Variants in TEX101 observed in about 807,000 individuals in gnomAD.
TEX101 encodes testis expressed 101, also known as testis-expressed protein 101.
A neutral mutation model predicts 18.1 loss-of-function variants in TEX101; 10 were observed. The ratio of observed to expected loss-of-function variants is 0.55; its 90% CI spans 0.34 to 0.94. The LOEUF is 0.94. TEX101 is among the 40% of genes least tolerant of loss of function. The probability of loss-of-function intolerance (pLI) is 0.02; values close to 1 mark genes in which losing one functional copy is unlikely to be tolerated. For synonymous variants in TEX101, 94 were observed against 114.8 expected, an observed-to-expected ratio of 0.82 and a Z score of 1.16; for missense variants, 259 against 298.9, an observed-to-expected ratio of 0.87 and a Z score of 0.98.
the TEX101 span, among the ~76,000 whole-genome samples, chr19:43,392,669 G>A: frequency 8.7e-3 from 1,330 of 152,218 alleles, 8 homozygotes; most frequent in Non-Finnish European, 0.014. Context: ...GACACAGAGG[G>A]AAAGAGACCC....
chr19:43,411,027 C>A (rs1351647466), upstream of TEX101, among the ~76,000 whole-genome samples: 1 of 152,176 alleles, frequency 6.6e-6, no homozygotes, highest in Non-Finnish European at 1.5e-5. Context: ...CAGGCATGAG[C>A]CATGGCACCC....
At chr19:43,402,465 C>A (rs1414952635) in intron 1 of TEX101, among the ~76,000 whole-genome samples, 1 of 152,144 alleles carries the variant, frequency 6.6e-6, no homozygotes, top group Non-Finnish European at 1.5e-5. Context: ...TTATAAGTAT[C>A]TTTTGTGCTG....
the TEX101 span, among the ~76,000 whole-genome samples, chr19:43,393,591 G>C: frequency 0.012 from 1,864 of 152,040 alleles, 51 homozygotes; most frequent in African/African-American, 0.043. Context: ...ACTTACAGCA[G>C]TCAGCACTAA....
At chr19:43,392,014 G>A in the TEX101 span, among the ~76,000 whole-genome samples, 1 of 152,172 alleles carries the variant, frequency 6.6e-6, no homozygotes, top group Non-Finnish European at 1.5e-5. Context: ...CCTCAATACA[G>A]ATGGACAACA....
intron 2 of TEX101, 22 bp downstream of exon 2, chr19:43,416,005 G>A (rs756098354): frequency 3.0e-5 from 48 of 1,613,342 alleles, no homozygotes; most frequent in Non-Finnish European, 4.0e-5. Context: ...GGACATAGGG[G>A]AGAGCCGTGT....
intron 2 of TEX101, chr19:43,402,949 A>C (rs1202074392): frequency 6.6e-6 from 1 of 152,192 alleles, no homozygotes; most frequent in African/African-American, 2.4e-5. Flanking sequence ...AAAGCTTTTG[A>C]GAAAATCTTC....
At chr19:43,403,911 C>T (rs904436622) in intron 2 of TEX101, among the ~76,000 whole-genome samples, 2 of 151,852 alleles carry the variant, frequency 1.3e-5, no homozygotes, top group Non-Finnish European at 2.9e-5. Flanking sequence ...TGGTGGCGGG[C>T]ACCTGTAGTC....
In TEX101 at chr19:43,402,250, C is replaced by G. The variant is rs117934026; in HGVS notation, c.-376-516C>G. On this transcript the variant is annotated intron_variant, in intron 1 of 7. Transcript: ENST00000602198. The stretch of plus-strand genomic sequence containing the variant: ...ATGTTCATTTGAAGTTTTTAGACAT[C>G]TCTGTATCATAGAAGCAAACGAACA... Among the ~76,000 whole-genome samples, 184 of 152,316 alleles carry G rather than the reference C, an allele frequency of 1.2e-3. 4 individuals carry two copies. The East Asian group carries it at 0.035, about 29-fold the overall frequency.
chr19:43,411,713 C>T (rs1476603881), upstream of TEX101, among the ~76,000 whole-genome samples: 1 of 151,794 alleles, frequency 6.6e-6, no homozygotes, highest in African/African-American at 2.4e-5. Context: ...TGCAATGGTG[C>T]AGTCTCAGCT....
the TEX101 span, among the ~76,000 whole-genome samples, chr19:43,389,615 T>C: frequency 2.6e-5 from 4 of 152,162 alleles, no homozygotes; most frequent in African/African-American, 7.2e-5. Flanking sequence ...CCCTGTCCTT[T>C]AACCAGTCCC....
intron 2 of TEX101, chr19:43,406,081 C>CCAAAAAAAAAAA (rs1970358959): frequency 1.7e-5 from 1 of 58,814 alleles, no homozygotes; most frequent in Non-Finnish European, 3.4e-5. Context: ...CCTGTCTCTA[C>CCAAAAAAAAAAA]AAAAAAAAAA....
At chr19:43,402,947 T>A (rs1030265010) in intron 2 of TEX101, 2 of 152,152 alleles carry the variant, frequency 1.3e-5, no homozygotes, top group South Asian at 4.1e-4. Flanking sequence ...TGAAAGCTTT[T>A]GAGAAAATCT....
intron 2 of TEX101, among the ~76,000 whole-genome samples, chr19:43,403,447 TG>T (rs1295391142): frequency 6.6e-6 from 1 of 151,884 alleles, no homozygotes; most frequent in Non-Finnish European, 1.5e-5. Context: ...AGTTGGGGGC[TG>T]GGGGAGGGAT....
intron 2 of TEX101, among the ~76,000 whole-genome samples, chr19:43,403,775 T>C (rs1483183826): frequency 6.6e-6 from 1 of 151,968 alleles, no homozygotes; most frequent in Non-Finnish European, 1.5e-5. Flanking sequence ...AAAACCAATA[T>C]AAAAATCTGG....
rs767955623 is a variant in TEX101, at chr19:43,416,102, GC to G, written c.70del (p.Leu24Ter). The G allele has an allele frequency of 6.2e-7, 1 of 1,610,050 alleles. No individual in the cohort carries two copies. The highest frequency in any genetic ancestry group is 1.7e-5 in the Admixed American group (1 of 59,138). ...LVLGASLLTS[G>X]LELYCQKGLS... ...CCTTTTCTTGTTTTCTCCTCAGCGG[GC>G]CTAGAGCTGTATTGTCAAAAGGGTC... On this transcript the variant is annotated frameshift_variant, in exon 3 of 6. Transcript: ENST00000598265. LOFTEE classifies it high-confidence loss of function.
chr19:43,396,717 T>C (rs1166032589), upstream of TEX101, among the ~76,000 whole-genome samples: 1 of 152,140 alleles, frequency 6.6e-6, no homozygotes, highest in Non-Finnish European at 1.5e-5. Context: ...CTGCATTAGT[T>C]ATCCATTGTT....
At chr19:43,393,103 G>GGAAGGAAGGAAGGAAGGAAA in the TEX101 span, among the ~76,000 whole-genome samples, 7,224 of 143,966 alleles carry the variant, frequency 0.05, 293 homozygotes, top group East Asian at 0.081. Context: ...AAGGAAGGAA[G>GGAAGGAAGGAAGGAAGGAAA]GAAAGAAAGA....
upstream of TEX101, among the ~76,000 whole-genome samples, chr19:43,410,400 G>A (rs1970408079): frequency 6.6e-6 from 1 of 152,128 alleles, no homozygotes; most frequent in East Asian, 1.9e-4. Flanking sequence ...GGGATGTCCT[G>A]GGAATAGATA....
the TEX101 span, among the ~76,000 whole-genome samples, chr19:43,389,737 T>C: frequency 0.11 from 17,494 of 152,228 alleles, 1,178 homozygotes; most frequent in Middle Eastern, 0.2. Flanking sequence ...GCCGGATGCC[T>C]AGCAGATGTT....
Sources: allele counts gnomAD v4.1 joint callset (sites outside exome capture counted in the v4.1 genomes callset), GRCh38; gene constraint gnomAD v4.1.1; transcripts MANE v1.5; gene names NCBI Gene and HGNC (gene_info 2026-07-23, HGNC 2026-07-21).